Variants in CDH13 observed in about 807,000 individuals in gnomAD.
CDH13 encodes cadherin-13.
Under a neutral mutation model 63.8 loss-of-function variants are expected in CDH13, and 24 were observed. That is an observed-to-expected ratio of 0.38 (90% CI 0.27 to 0.53). The LOEUF is 0.53. CDH13 is among the 20% of genes least tolerant of loss of function. The probability of loss-of-function intolerance (pLI) is 0.85; values close to 1 mark genes in which losing one functional copy is unlikely to be tolerated. For missense variants in CDH13, 1,049 were observed against 903.1 expected (o/e 1.16, Z -2.07); for synonymous variants, 503 against 355.3 (o/e 1.42, Z -4.67).
intron 13 of CDH13, among the ~76,000 whole-genome samples, chr16:83,789,786 A>C (rs1191187443): frequency 6.6e-6 from 1 of 152,194 alleles, no homozygotes; most frequent in African/African-American, 2.4e-5. Flanking sequence ...GACACAGACC[A>C]AATCTGGTCT....
chr16:83,031,826 T>C (rs1916381122), intron 2 of CDH13, among the ~76,000 whole-genome samples, 184 bp from the exon 3 acceptor site: 1 of 152,192 alleles, frequency 6.6e-6, no homozygotes, highest in South Asian at 2.1e-4. Flanking sequence ...ATGTCTTGAT[T>C]GAGTGAAGTC....
chr16:83,384,955 A>T (rs148801743), intron 6 of CDH13, among the ~76,000 whole-genome samples: 2,043 of 152,306 alleles, frequency 0.013, 47 homozygotes, highest in African/African-American at 0.047. Context: ...TAAGGCACCA[A>T]TGTATATTTT....
At chr16:83,063,288 G>C (rs1240660371) in intron 3 of CDH13, among the ~76,000 whole-genome samples, 1 of 152,124 alleles carries the variant, frequency 6.6e-6, no homozygotes, top group Admixed American at 6.6e-5. Context: ...AAGGGAGCAG[G>C]TCAACCATAT....
intron 7 of CDH13, among the ~76,000 whole-genome samples, chr16:83,520,609 T>A (rs556891766): frequency 6.6e-6 from 1 of 152,222 alleles, no homozygotes; most frequent in East Asian, 1.9e-4. Context: ...AGGTTCTTGT[T>A]TGCATATAAT....
chr16:82,648,782 A>G (rs1910394998), intron 1 of CDH13, among the ~76,000 whole-genome samples: 1 of 152,236 alleles, frequency 6.6e-6, no homozygotes, highest in South Asian at 2.1e-4. Context: ...AACCTTCTAA[A>G]AAATAGGTGG....
intron 5 of CDH13, among the ~76,000 whole-genome samples, chr16:83,224,975 C>A (rs896731473): frequency 1.3e-5 from 2 of 152,204 alleles, no homozygotes; most frequent in African/African-American, 4.8e-5. Flanking sequence ...GTCAGTAACT[C>A]TCTGTAAAAG....
intron 7 of CDH13, among the ~76,000 whole-genome samples, chr16:83,487,109 C>T (rs1463954990): frequency 6.6e-6 from 1 of 152,088 alleles, no homozygotes; most frequent in Non-Finnish European, 1.5e-5. Context: ...ATCCTGCATT[C>T]CCCCTTGAAC....
At chr16:83,160,051 G>A (rs375136547) in intron 4 of CDH13, among the ~76,000 whole-genome samples, 15 of 152,092 alleles carry the variant, frequency 9.9e-5, no homozygotes, top group South Asian at 8.3e-4. Context: ...ATTCCAGCCC[G>A]GGTGACAGAG....
intron 4 of CDH13, among the ~76,000 whole-genome samples, chr16:83,213,748 A>G (rs2039405677): frequency 2.0e-5 from 3 of 152,160 alleles, no homozygotes; most frequent in Admixed American, 2.0e-4. Flanking sequence ...TGGTAATGAG[A>G]GGTGAAGCCA....
At chr16:83,386,128 G>C (rs548935797) in intron 6 of CDH13, among the ~76,000 whole-genome samples, 1 of 152,290 alleles carries the variant, frequency 6.6e-6, no homozygotes, top group Non-Finnish European at 1.5e-5. Context: ...GAAACATGTC[G>C]CTGTTGAGGA....
At chr16:83,428,934 C>G (rs182901178) in intron 6 of CDH13, among the ~76,000 whole-genome samples, 1 of 152,334 alleles carries the variant, frequency 6.6e-6, no homozygotes, top group East Asian at 1.9e-4. Flanking sequence ...TCTTTAATAA[C>G]CAACTCTAGG....
chr16:82,713,816 A>C (rs1035159602), intron 1 of CDH13, among the ~76,000 whole-genome samples: 4 of 148,056 alleles, frequency 2.7e-5, no homozygotes, highest in Non-Finnish European at 3.0e-5. Context: ...GAAAAAAAAA[A>C]CAAACAAAAA....
At chr16:83,571,916 G>A (rs1904662425) in intron 7 of CDH13, among the ~76,000 whole-genome samples, 1 of 152,102 alleles carries the variant, frequency 6.6e-6, no homozygotes, top group Non-Finnish European at 1.5e-5. Flanking sequence ...TCTGCATGGG[G>A]ACAGATCCTG....
intron 2 of CDH13, among the ~76,000 whole-genome samples, chr16:83,026,472 G>A (rs1225528012): frequency 3.3e-5 from 5 of 151,830 alleles, no homozygotes; most frequent in Non-Finnish European, 7.4e-5. Context: ...TTCCCCCACA[G>A]GGGTGAAATA....
chr16:83,563,745 A>T (rs1278082881), intron 7 of CDH13, among the ~76,000 whole-genome samples: 1 of 152,164 alleles, frequency 6.6e-6, no homozygotes, highest in Non-Finnish European at 1.5e-5. Context: ...GTCAAGCAGC[A>T]TATAACTCTC....
chr16:82,703,572 G>A (rs2031230958), intron 1 of CDH13, among the ~76,000 whole-genome samples: 1 of 152,114 alleles, frequency 6.6e-6, no homozygotes, highest in African/African-American at 2.4e-5. Context: ...ATGCTTTACT[G>A]GCTTTCTTTT....
chr16:83,516,495 A>T (rs1369361607), intron 7 of CDH13, among the ~76,000 whole-genome samples: 1 of 152,200 alleles, frequency 6.6e-6, no homozygotes, highest in Non-Finnish European at 1.5e-5. Context: ...GTGTTACAGA[A>T]AGCAATTTGT....
At chr16:82,758,420 G>C (rs989303815) in intron 1 of CDH13, among the ~76,000 whole-genome samples, 1 of 40,486 alleles carries the variant, frequency 2.5e-5, no homozygotes, top group Non-Finnish European at 4.8e-5. Context: ...CCAGGAGACT[G>C]TTGATACCCC....
chr16:83,766,243 C>T (rs1914378081), intron 11 of CDH13, among the ~76,000 whole-genome samples: 1 of 152,116 alleles, frequency 6.6e-6, no homozygotes, highest in South Asian at 2.1e-4. Flanking sequence ...TTAGACAGAG[C>T]CACTACTCTC....
Sources: gnomAD v4.1 joint callset for allele counts (sites outside exome capture counted in the v4.1 genomes callset) on GRCh38, gnomAD v4.1.1 for gene constraint, MANE v1.5 for transcripts, NCBI Gene and HGNC (gene_info 2026-07-23, HGNC 2026-07-21) for gene names.